The following WT1 variants were observed in gnomAD, a reference collection of about 807,000 sequenced individuals.
WT1 encodes the protein Wilms tumor protein.
Under a neutral mutation model 60.8 loss-of-function variants are expected in WT1, and 8 were observed. That is an observed-to-expected ratio of 0.13 (90% confidence interval 0.08 to 0.24). The LOEUF (loss-of-function observed/expected upper bound fraction) is 0.24, where lower values mean the gene tolerates loss of function less well. WT1 is among the 10% of genes least tolerant of loss of function. The probability of loss-of-function intolerance (pLI) is 1.00; values close to 1 mark genes in which losing one functional copy is unlikely to be tolerated. For synonymous variants in WT1, 312 were observed against 297.1 expected, an observed-to-expected ratio of 1.05 and a Z score of -0.52; for missense variants, 568 against 711.8, an observed-to-expected ratio of 0.80 and a Z score of 2.30.
intron 3 of WT1, among the ~76,000 whole-genome samples, chr11:32,419,264 C>G (rs1161959970): frequency 2.0e-5 from 3 of 152,190 alleles, no homozygotes; most frequent in Non-Finnish European, 4.4e-5. Context: ...GCTGACAGTT[C>G]ATTAATAAGC....
At chr11:32,428,659 T>C (rs2133076602) in intron 1 of WT1, 40 bp from the exon 2 acceptor site, 1 of 1,602,664 alleles carries the variant, frequency 6.2e-7, no homozygotes, top group Non-Finnish European at 8.5e-7. Flanking sequence ...TCAGCGGTGC[T>C]CTCGCAAGAC....
chr11:32,420,063 G>A (rs186838973), intron 3 of WT1, among the ~76,000 whole-genome samples: 54 of 152,204 alleles, frequency 3.5e-4, no homozygotes, highest in African/African-American at 1.2e-3. Flanking sequence ...TATGTCTTAC[G>A]TATATGACTT....
chr11:32,400,183 G>T (rs1852110930), intron 5 of WT1, 139 bp from the exon 6 acceptor site: 2 of 1,019,572 alleles, frequency 2.0e-6, no homozygotes, highest in Admixed American at 2.0e-5. Context: ...CCTCCATGGG[G>T]CCACTTTAGA....
rs948061247 is a variant in WT1 at position 32,435,047 on chromosome 11, G to C, written c.314C>G (p.Ala105Gly). 54 of 1,464,284 alleles carry C rather than the reference G, an allele frequency of 3.7e-5. No individual in the cohort carries two copies. The Admixed American group carries it at 4.4e-4, about 12-fold the overall frequency. 90.7% of individuals were successfully genotyped at this position (1,464,284 alleles called of 1,614,324 possible). A position where few individuals can be genotyped will look rare whatever the true frequency, so the allele number is the denominator to read the frequency against. Residue 105 changes from alanine (A) to glycine (G), a missense_variant, in exon 1 of 10, where the codon GCG becomes GGG. Physicochemically the swap from Ala to Gly is moderately conservative, Grantham distance 60. Around this residue, in one of 3 missense-constraint regions of WT1, gnomAD observed 523 missense variants for 565.1 expected, o/e 0.93. Transcript: ENST00000452863. ...AAAGTCCAGCACCGGCGCCCACTGCGCCGCGCCGCTCACAGGCAGGGCACA... is the reference window on the plus strand; with the variant it reads ...AAAGTCCAGCACCGGCGCCCACTGCCCCGCGCCGCTCACAGGCAGGGCACA...
chr11:32,420,840 A>G (rs911463382), intron 3 of WT1, among the ~76,000 whole-genome samples: 2 of 152,204 alleles, frequency 1.3e-5, no homozygotes, highest in Admixed American at 1.3e-4. Context: ...CCAAGATCCC[A>G]ATAGAAGCCC....
intron 5 of WT1, among the ~76,000 whole-genome samples, chr11:32,415,424 G>A (rs1852636056): frequency 6.6e-6 from 1 of 152,220 alleles, no homozygotes. Context: ...CAAGGTGGGC[G>A]GATCACCTGA....
chr11:32,420,432 G>T (rs1852817883), intron 3 of WT1, among the ~76,000 whole-genome samples: 1 of 152,204 alleles, frequency 6.6e-6, no homozygotes, highest in African/African-American at 2.4e-5. Flanking sequence ...ATGGCCCTTT[G>T]AAGATGATAC....
intron 3 of WT1, among the ~76,000 whole-genome samples, chr11:32,427,675 G>C (rs1473332503): frequency 6.6e-6 from 1 of 152,226 alleles, no homozygotes; most frequent in Non-Finnish European, 1.5e-5. Context: ...ATTCCTCCCA[G>C]TAAAGACCTT....
At chr11:32,414,178 T>G (rs1165434723) in intron 5 of WT1, among the ~76,000 whole-genome samples, 1 of 152,266 alleles carries the variant, frequency 6.6e-6, no homozygotes, top group East Asian at 1.9e-4. Context: ...ACAGTTGTTC[T>G]TTTGTGGAAC....
chr11:32,420,328 C>T (rs1436307849), intron 3 of WT1, among the ~76,000 whole-genome samples: 1 of 152,174 alleles, frequency 6.6e-6, no homozygotes, highest in Non-Finnish European at 1.5e-5. Context: ...AGCTCCCTGC[C>T]CCTCAGTTTT....
intron 3 of WT1, among the ~76,000 whole-genome samples, chr11:32,424,938 G>A (rs140240458): frequency 6.6e-6 from 1 of 152,116 alleles, no homozygotes; most frequent in Non-Finnish European, 1.5e-5. Flanking sequence ...AGCACTTTTC[G>A]AGGCCAAGGT....
At chr11:32,411,417 GCTGAATTGAATCTCAC>G (rs1288743741) in intron 5 of WT1, among the ~76,000 whole-genome samples, 1 of 152,208 alleles carries the variant, frequency 6.6e-6, no homozygotes, top group Non-Finnish European at 1.5e-5. Context: ...ATATGCATTT[GCTGAATTGAATCTCAC>G]CTGAAGCCAA....
intron 9 of WT1, among the ~76,000 whole-genome samples, chr11:32,390,472 G>A (rs1488712909): frequency 6.6e-6 from 1 of 152,224 alleles, no homozygotes; most frequent in African/African-American, 2.4e-5. Context: ...GGCACCTGAG[G>A]AAGGGAAGCA....
intron 6 of WT1, among the ~76,000 whole-genome samples, chr11:32,399,193 G>A (rs1456475648): frequency 3.3e-5 from 5 of 151,492 alleles, no homozygotes; most frequent in Non-Finnish European, 5.9e-5. Flanking sequence ...AAAAAGACCG[G>A]TGATTATTGG....
intron 5 of WT1, among the ~76,000 whole-genome samples, chr11:32,414,347 A>G (rs1303608044): frequency 1.3e-5 from 2 of 152,198 alleles, no homozygotes; most frequent in Admixed American, 6.5e-5. Context: ...ATCTTGGCTC[A>G]CTGCAACCTC....
At chr11:32,407,866 G>A (rs940574317) in intron 5 of WT1, among the ~76,000 whole-genome samples, 1 of 151,732 alleles carries the variant, frequency 6.6e-6, no homozygotes, top group African/African-American at 2.4e-5. Context: ...ACCTAAAAAA[G>A]AAAGAAAGAA....
chr11:32,434,423 C>T (rs1328910984), intron 1 of WT1, among the ~76,000 whole-genome samples: 1 of 152,258 alleles, frequency 6.6e-6, no homozygotes, highest in Non-Finnish European at 1.5e-5. Flanking sequence ...GTCCCGGAAT[C>T]TCTCGGACTC....
At chr11:32,397,203 T>C (rs998504041) in intron 6 of WT1, among the ~76,000 whole-genome samples, 1 of 152,202 alleles carries the variant, frequency 6.6e-6, no homozygotes, top group Admixed American at 6.5e-5. Flanking sequence ...CAGGGAGTCA[T>C]AAATGGGAGC....
chr11:32,400,249 C>A, intron 5 of WT1: 1 of 643,122 alleles, frequency 1.6e-6, no homozygotes, highest in East Asian at 2.8e-5. Flanking sequence ...CTCGCAGCCC[C>A]TCCCTCATCC....
Sources: allele counts gnomAD v4.1 joint callset (sites outside exome capture counted in the v4.1 genomes callset), GRCh38; gene constraint gnomAD v4.1.1; regional missense constraint gnomAD v4.1.1; transcripts MANE v1.5; gene names NCBI Gene and HGNC (gene_info 2026-07-23, HGNC 2026-07-21).